AGBL1: variants seen among roughly 807,000 people sequenced by gnomAD.
AGBL1 encodes AGBL carboxypeptidase 1.
AGBL1 carries 130 observed loss-of-function variants against 118.9 expected under a neutral mutation model. The ratio of observed to expected loss-of-function variants is 1.09; its 90% CI spans 0.95 to 1.26. The LOEUF is 1.26. Among genes scored for constraint, AGBL1 ranks in the 50% most tolerant of loss-of-function variants. The probability of loss-of-function intolerance (pLI) is 0.00; values close to 1 mark genes in which losing one functional copy is unlikely to be tolerated. For synonymous variants in AGBL1, 555 were observed against 478.9 expected, an observed-to-expected ratio of 1.16 and a Z score of -2.08; for missense variants, 1,584 against 1,298.1, an observed-to-expected ratio of 1.22 and a Z score of -3.38.
intron 24 of AGBL1, among the ~76,000 whole-genome samples, chr15:86,998,783 C>T (rs2081404043): frequency 6.6e-6 from 1 of 152,092 alleles, no homozygotes; most frequent in Non-Finnish European, 1.5e-5. Flanking sequence ...CAGAAAAAGA[C>T]ACTTCTGACA....
intron 22 of AGBL1, among the ~76,000 whole-genome samples, chr15:86,787,646 T>A (rs957240140): frequency 6.6e-6 from 1 of 152,190 alleles, no homozygotes; most frequent in African/African-American, 2.4e-5. Flanking sequence ...GTGGACACTT[T>A]GGTTGTTTCC....
chr15:86,524,323 G>T (rs1596223518), intron 19 of AGBL1, among the ~76,000 whole-genome samples: 1 of 152,200 alleles, frequency 6.6e-6, no homozygotes. Flanking sequence ...ACAGGACTCA[G>T]AATAGCAGTT....
chr15:86,237,043 G>A (rs1239621254), intron 6 of AGBL1, among the ~76,000 whole-genome samples: 2 of 148,566 alleles, frequency 1.3e-5, no homozygotes, highest in South Asian at 2.1e-4. Flanking sequence ...AGTTTTTAAT[G>A]GCCCACATTT....
chr15:86,231,046 C>T (rs544778925), intron 6 of AGBL1, among the ~76,000 whole-genome samples: 3 of 152,306 alleles, frequency 2.0e-5, no homozygotes, highest in Non-Finnish European at 4.4e-5. Context: ...GTTTCATGTC[C>T]AGCCCTTCTT....
At chr15:86,770,199 ATAGT>A (rs1249663580) in intron 22 of AGBL1, among the ~76,000 whole-genome samples, 1 of 152,006 alleles carries the variant, frequency 6.6e-6, no homozygotes, top group East Asian at 1.9e-4. Flanking sequence ...ATCTGGCGCT[ATAGT>A]TAGTTTATAG....
At chr15:86,253,426 T>A (rs2078847930) in intron 7 of AGBL1, among the ~76,000 whole-genome samples, 2 of 152,130 alleles carry the variant, frequency 1.3e-5, no homozygotes, top group Non-Finnish European at 2.9e-5. Flanking sequence ...AATTTTTGTA[T>A]TTTTAGTAGA....
At chr15:86,617,716 A>T (rs2084749631) in intron 21 of AGBL1, among the ~76,000 whole-genome samples, 1 of 151,962 alleles carries the variant, frequency 6.6e-6, no homozygotes. Flanking sequence ...TTCATAGATC[A>T]GAAATGGTTA....
intron 5 of AGBL1, 141 bp from the exon 6 acceptor site, chr15:86,224,773 C>A: frequency 1.3e-6 from 1 of 758,726 alleles, no homozygotes; most frequent in Non-Finnish European, 2.3e-6. Context: ...TAATGGTCAG[C>A]GGGGCAATCA....
chr15:86,367,756 C>T (rs12900069), intron 17 of AGBL1, among the ~76,000 whole-genome samples: 74 of 152,202 alleles, frequency 4.9e-4, no homozygotes, highest in African/African-American at 1.7e-3. Context: ...CTTTCCTTGT[C>T]GTCCAAACAG....
At chr15:86,632,271 C>G (rs529206707) in intron 21 of AGBL1, among the ~76,000 whole-genome samples, 7 of 79,256 alleles carry the variant, frequency 8.8e-5, no homozygotes, top group Non-Finnish European at 1.9e-4. Context: ...CTGTCTTTCT[C>G]TTTAAAAAAA....
intron 21 of AGBL1, among the ~76,000 whole-genome samples, chr15:86,664,982 T>G (rs1009604938): frequency 6.6e-6 from 1 of 152,118 alleles, no homozygotes; most frequent in Non-Finnish European, 1.5e-5. Context: ...AAAGAAAATA[T>G]TTAAATCATG....
intron 7 of AGBL1, among the ~76,000 whole-genome samples, chr15:86,249,451 C>T (rs2078773240): frequency 6.6e-6 from 1 of 152,186 alleles, no homozygotes; most frequent in Non-Finnish European, 1.5e-5. Context: ...TATCTAACTC[C>T]CTATCTGCTA....
intron 1 of AGBL1, among the ~76,000 whole-genome samples, chr15:86,126,637 T>C (rs973534556): frequency 3.3e-5 from 5 of 152,210 alleles, no homozygotes; most frequent in African/African-American, 1.2e-4. Context: ...TGATAAAATT[T>C]TGAATATATT....
exon 24 of AGBL1, chr15:86,988,005 C>T (rs775317405): frequency 6.2e-7 from 1 of 1,613,592 alleles, no homozygotes; most frequent in South Asian, 1.1e-5. Context: ...CATCCAATTT[C>T]CTGCCAAAGC....
At chr15:86,463,144 G>C (rs1294129794) in intron 18 of AGBL1, among the ~76,000 whole-genome samples, 3 of 152,218 alleles carry the variant, frequency 2.0e-5, no homozygotes, top group African/African-American at 7.2e-5. Context: ...ACTGGTGTGA[G>C]ATGGTATCTC....
chr15:86,541,729 T>C (rs943546267), intron 19 of AGBL1, among the ~76,000 whole-genome samples: 4 of 151,980 alleles, frequency 2.6e-5, no homozygotes, highest in Non-Finnish European at 4.4e-5. Flanking sequence ...AGCTTTCCCC[T>C]GCTGGAAAAT....
chr15:86,425,042 A>G (rs576055154), intron 18 of AGBL1, among the ~76,000 whole-genome samples: 1 of 152,346 alleles, frequency 6.6e-6, no homozygotes, highest in East Asian at 1.9e-4. Flanking sequence ...ATTACTGGGT[A>G]TATACCCAAA....
At chr15:86,332,523 G>A (rs1484854499) in intron 17 of AGBL1, among the ~76,000 whole-genome samples, 8 of 151,908 alleles carry the variant, frequency 5.3e-5, no homozygotes, top group South Asian at 2.1e-4. Flanking sequence ...ACAGGCGCCT[G>A]TAGTCCCAGC....
intron 18 of AGBL1, among the ~76,000 whole-genome samples, chr15:86,474,921 A>G (rs2082534980): frequency 6.6e-6 from 1 of 152,226 alleles, no homozygotes; most frequent in Middle Eastern, 3.2e-3. Flanking sequence ...GTTCAGCAAT[A>G]TTCGCTGTTC....
Sources: gnomAD v4.1 joint callset for allele counts (sites outside exome capture counted in the v4.1 genomes callset) on GRCh38, gnomAD v4.1.1 for gene constraint, MANE v1.5 for transcripts, NCBI Gene and HGNC (gene_info 2026-07-23, HGNC 2026-07-21) for gene names.